CFAP70: variants seen among roughly 807,000 people sequenced by gnomAD.
The protein encoded by CFAP70 is cilia and flagella associated protein 70.
A neutral mutation model predicts 137.6 loss-of-function variants in CFAP70; 81 were observed. That is an observed-to-expected ratio of 0.59 (90% CI 0.49 to 0.71). The LOEUF is 0.71. Among genes scored for constraint, CFAP70 ranks in the 30% least tolerant of loss-of-function variants. The pLI is 0.00. For missense variants in CFAP70, 976 were observed against 1,226.7 expected, an observed-to-expected ratio of 0.80 and a Z score of 3.05; for synonymous variants, 382 against 423.6, an observed-to-expected ratio of 0.90 and a Z score of 1.20.
intron 9 of CFAP70, among the ~76,000 whole-genome samples, chr10:73,319,296 C>A (rs2050661551): frequency 6.6e-6 from 1 of 152,158 alleles, no homozygotes; most frequent in Non-Finnish European, 1.5e-5. Flanking sequence ...GAAGTGAAGA[C>A]TCAACTATAT....
rs1363154098 is a variant in CFAP70 at position 73,339,074 on chromosome 10, G to A, written c.582+2325C>T. On this transcript the variant is annotated intron_variant, in intron 6 of 26. Coordinates refer to ENST00000310715, the Ensembl canonical transcript of CFAP70. Reference sequence around the variant, plus strand: ...GCTGGAATTACAGGTGTGTGCCAACGTGCCCAGCTAAGTTTTGTATTTTTA... The same window carrying A: ...GCTGGAATTACAGGTGTGTGCCAACATGCCCAGCTAAGTTTTGTATTTTTA... Among the ~76,000 whole-genome samples, 4 of 151,898 alleles carry A rather than the reference G, an allele frequency of 2.6e-5. No homozygotes were observed. In the East Asian group the frequency reaches 5.9e-4, roughly 22 times the overall value.
chr10:73,261,256 A>G (rs1478817360), intron 25 of CFAP70, among the ~76,000 whole-genome samples: 1 of 152,080 alleles, frequency 6.6e-6, no homozygotes, highest in Non-Finnish European at 1.5e-5. Flanking sequence ...CCTCCCAAGT[A>G]CATGGGACTA....
chr10:73,287,828 G>GA (rs919468588), intron 19 of CFAP70, among the ~76,000 whole-genome samples: 2 of 151,864 alleles, frequency 1.3e-5, no homozygotes, highest in African/African-American at 4.8e-5. Context: ...CTCTAGGGGG[G>GA]AAAAATGGAC....
At chr10:73,263,363 A>G (rs2045462991) in intron 25 of CFAP70, among the ~76,000 whole-genome samples, 1 of 152,230 alleles carries the variant, frequency 6.6e-6, no homozygotes, top group African/African-American at 2.4e-5. Context: ...GATTACAGGC[A>G]TGAGCCACCA....
chr10:73,315,216 CAAA>C (rs58468801), intron 9 of CFAP70, among the ~76,000 whole-genome samples: 7,087 of 63,904 alleles, frequency 0.11, 440 homozygotes, highest in African/African-American at 0.27. Flanking sequence ...GACCCCATCT[CAAA>C]AAAAAAAAAA....
At chr10:73,337,286 G>C (rs2052760234) in intron 6 of CFAP70, among the ~76,000 whole-genome samples, 1 of 151,982 alleles carries the variant, frequency 6.6e-6, no homozygotes, top group African/African-American at 2.4e-5. Flanking sequence ...TTTGAAACCA[G>C]CCTGGCCAAT....
chr10:73,348,470 G>A (rs2053914166), exon 4 of CFAP70: 1 of 1,539,690 alleles, frequency 6.5e-7, no homozygotes, highest in Non-Finnish European at 8.7e-7. Context: ...AAGAATTAAG[G>A]TCTTCTCTTC....
intron 19 of CFAP70, among the ~76,000 whole-genome samples, chr10:73,279,483 C>T (rs1432966476): frequency 6.6e-6 from 1 of 151,184 alleles, no homozygotes; most frequent in Non-Finnish European, 1.5e-5. Context: ...CAGATGGTGC[C>T]ACTGCACTCC....
chr10:73,281,651 C>T (rs939448248), intron 19 of CFAP70, among the ~76,000 whole-genome samples: 1 of 152,008 alleles, frequency 6.6e-6, no homozygotes, highest in African/African-American at 2.4e-5. Context: ...AATCCCATTA[C>T]TGGGTATATA....
Position 73,349,310 on chromosome 10 carries a change from C to T in CFAP70, c.251-789G>A, listed in dbSNP as rs147391796. On this transcript the variant is annotated intron_variant, in intron 3 of 26. Transcript: ENST00000310715. The stretch of plus-strand genomic sequence containing the variant: ...ATCCCAGCACTTTGGGAAGCTGAGG[C>T]GGGCAGATCACGAGGTCAGGAGATC... 1.9e-3 allele frequency among the ~76,000 whole-genome samples: 292 copies of T among 152,068 alleles called. 1 individual carries two copies. The highest frequency in any genetic ancestry group is 6.5e-3 in the African/African-American group (269 of 41,500).
At chr10:73,311,384 CCCTTAGACTTCCCCAT>C (rs1404537527) in intron 11 of CFAP70, among the ~76,000 whole-genome samples, 3 of 152,182 alleles carry the variant, frequency 2.0e-5, no homozygotes, top group Admixed American at 2.0e-4. Flanking sequence ...ATGAAGCCTT[CCCTTAGACTTCCCCAT>C]CCTAATATTT....
chr10:73,256,981 C>G (rs1171501065), intron 25 of CFAP70, among the ~76,000 whole-genome samples: 1 of 151,580 alleles, frequency 6.6e-6, no homozygotes, highest in East Asian at 1.9e-4. Context: ...GGCCTCTCAC[C>G]TTTTTGAAAG....
chr10:73,353,433 G>A, intron 3 of CFAP70, 123 bp downstream of exon 3: 1 of 905,576 alleles, frequency 1.1e-6, no homozygotes, highest in Admixed American at 2.6e-5. Flanking sequence ...CAAAGGAACT[G>A]TCCTTTCTTT....
intron 25 of CFAP70, among the ~76,000 whole-genome samples, chr10:73,262,204 GAAAT>G (rs749882361): frequency 6.6e-5 from 10 of 151,204 alleles, no homozygotes; most frequent in Non-Finnish European, 1.0e-4. Flanking sequence ...GAAAATTCCA[GAAAT>G]AAACAATTCA....
At chr10:73,351,017 GTATA>G (rs1176803728) in intron 3 of CFAP70, among the ~76,000 whole-genome samples, 20 of 141,150 alleles carry the variant, frequency 1.4e-4, no homozygotes, top group Admixed American at 1.3e-3. Context: ...GTATGTGTGT[GTATA>G]TATATGTGTA....
At chr10:73,323,334 G>C (rs1047042063) in intron 8 of CFAP70, among the ~76,000 whole-genome samples, 9 of 132,098 alleles carry the variant, frequency 6.8e-5, no homozygotes, top group Non-Finnish European at 1.3e-4. Flanking sequence ...GCGGGGGCGG[G>C]GGGGGGGCAG....
chr10:73,320,191 G>C (rs897304231), intron 9 of CFAP70, among the ~76,000 whole-genome samples: 3 of 151,964 alleles, frequency 2.0e-5, no homozygotes, highest in Non-Finnish European at 4.4e-5. Flanking sequence ...TCAAGCCTAG[G>C]AAGTTTTCTC....
At chr10:73,288,010 G>C (rs2047876146) in intron 19 of CFAP70, among the ~76,000 whole-genome samples, 1 of 152,062 alleles carries the variant, frequency 6.6e-6, no homozygotes, top group South Asian at 2.1e-4. Context: ...TGATTCTCCT[G>C]CCTCAGCCTC....
chr10:73,255,535 C>T (rs1335809825), intron 26 of CFAP70, among the ~76,000 whole-genome samples: 1 of 152,178 alleles, frequency 6.6e-6, no homozygotes, highest in African/African-American at 2.4e-5. Context: ...GCCTGGGCAA[C>T]AGTGCAAGAC....
Sources: gnomAD v4.1 joint callset for allele counts (sites outside exome capture counted in the v4.1 genomes callset) on GRCh38, gnomAD v4.1.1 for gene constraint, MANE v1.5 for transcripts, NCBI Gene and HGNC (gene_info 2026-07-23, HGNC 2026-07-21) for gene names.